The following PLEKHG1 variants were observed in gnomAD, a reference collection of about 807,000 sequenced individuals.
PLEKHG1 encodes pleckstrin homology and RhoGEF domain containing G1.
Under a neutral mutation model 100.8 loss-of-function variants are expected in PLEKHG1, and 44 were observed. The observed-to-expected ratio is 0.44, with a 90% CI of 0.34 to 0.56. PLEKHG1 has a LOEUF of 0.56. PLEKHG1 is among the 20% of genes least tolerant of loss of function. PLEKHG1 has a pLI of 0.01. For missense variants in PLEKHG1, 1,545 were observed against 1,720.9 expected (o/e 0.90, Z 1.81); for synonymous variants, 640 against 662.5 (o/e 0.97, Z 0.52).
intron 3 of PLEKHG1, among the ~76,000 whole-genome samples, chr6:150,779,343 A>AGGTT (rs1785166837): frequency 1.1e-5 from 1 of 88,562 alleles, no homozygotes; most frequent in African/African-American, 8.6e-5. Context: ...ATTGTCAAGA[A>AGGTT]GTTTTTTTTT....
At chr6:150,656,589 G>A (rs1778978901) in intron 3 of PLEKHG1, among the ~76,000 whole-genome samples, 1 of 152,136 alleles carries the variant, frequency 6.6e-6, no homozygotes, top group Admixed American at 6.5e-5. Context: ...ATTAAGCATG[G>A]AGCACCTCCT....
intron 3 of PLEKHG1, among the ~76,000 whole-genome samples, chr6:150,777,576 G>A (rs1299503595): frequency 6.6e-6 from 1 of 150,924 alleles, no homozygotes; most frequent in African/African-American, 2.4e-5. Context: ...GTGTACATGT[G>A]CGGTTGCACA....
intron 5 of PLEKHG1, among the ~76,000 whole-genome samples, 161 bp downstream of exon 6, chr6:150,796,063 C>G (rs894616802): frequency 1.3e-5 from 2 of 152,136 alleles, no homozygotes; most frequent in Non-Finnish European, 2.9e-5. Flanking sequence ...CAGGGGCACC[C>G]AGATATGGAT....
At chr6:150,840,306 A>C in exon 16 of PLEKHG1, 1 of 1,614,206 alleles carries the variant, frequency 6.2e-7, no homozygotes. Flanking sequence ...CGTCTTGATC[A>C]ACAAATCAAT....
intron 1 of PLEKHG1, among the ~76,000 whole-genome samples, chr6:150,730,443 G>T (rs1188290701): frequency 6.6e-6 from 1 of 152,154 alleles, no homozygotes. Flanking sequence ...TCCCTGGCAT[G>T]CATAGGTCAC....
At chr6:150,752,339 G>A (rs1002900974) in intron 2 of PLEKHG1, among the ~76,000 whole-genome samples, 1 of 152,028 alleles carries the variant, frequency 6.6e-6, no homozygotes, top group Admixed American at 6.6e-5. Context: ...TAATTCAGTG[G>A]CATTAAGTAT....
chr6:150,800,529 C>G (rs983677411), intron 5 of PLEKHG1, among the ~76,000 whole-genome samples, 190 bp from the exon 7 acceptor site: 1 of 152,174 alleles, frequency 6.6e-6, no homozygotes, highest in East Asian at 1.9e-4. Flanking sequence ...CCAGTGGGTC[C>G]GGTGCCTTTT....
intron 10 of PLEKHG1, among the ~76,000 whole-genome samples, chr6:150,814,768 G>A (rs1036042010): frequency 7.9e-5 from 12 of 152,152 alleles, no homozygotes; most frequent in Admixed American, 7.9e-4. Flanking sequence ...GAGTGCAGTG[G>A]TGCAATCTCC....
intron 7 of PLEKHG1, among the ~76,000 whole-genome samples, chr6:150,806,857 T>C (rs1477877674): frequency 6.9e-6 from 1 of 144,526 alleles, no homozygotes; most frequent in Non-Finnish European, 1.5e-5. Context: ...AAAAATGAAA[T>C]GAAAAATTCT....
At chr6:150,601,159 G>T (rs1327438364) in intron 1 of PLEKHG1, among the ~76,000 whole-genome samples, 1 of 152,208 alleles carries the variant, frequency 6.6e-6, no homozygotes, top group Non-Finnish European at 1.5e-5. Flanking sequence ...GGCTTGGGTA[G>T]GTCCTGTAAT....
At chr6:150,715,957 A>T (rs1413097311) in intron 3 of PLEKHG1, among the ~76,000 whole-genome samples, 2 of 148,466 alleles carry the variant, frequency 1.3e-5, no homozygotes, top group African/African-American at 4.9e-5. Context: ...AAATACAAAA[A>T]ATTAGCCGGG....
At chr6:150,636,213 C>T (rs1470111759) in intron 1 of PLEKHG1, among the ~76,000 whole-genome samples, 4 of 151,924 alleles carry the variant, frequency 2.6e-5, no homozygotes, top group African/African-American at 9.7e-5. Context: ...ATGAAAAGAC[C>T]TCTATTTTGA....
chr6:150,621,267 T>C (rs1245558846), intron 1 of PLEKHG1, among the ~76,000 whole-genome samples: 2 of 152,148 alleles, frequency 1.3e-5, no homozygotes, highest in African/African-American at 4.8e-5. Flanking sequence ...GGCTGTTGCT[T>C]TGCTAGGAGA....
intron 13 of PLEKHG1, among the ~76,000 whole-genome samples, chr6:150,823,353 A>G (rs888169068): frequency 3.3e-5 from 5 of 152,232 alleles, no homozygotes; most frequent in African/African-American, 9.6e-5. Flanking sequence ...CTTTTTCAGG[A>G]AACAACACAT....
intron 1 of PLEKHG1, among the ~76,000 whole-genome samples, chr6:150,615,190 G>A (rs1777015430): frequency 6.6e-6 from 1 of 152,132 alleles, no homozygotes; most frequent in Admixed American, 6.5e-5. Flanking sequence ...ATGCCTTTGC[G>A]ACTTCATGGT....
chr6:150,840,171 T>C (rs142195711), exon 16 of PLEKHG1: 1,150 of 1,614,192 alleles, frequency 7.1e-4, no homozygotes, highest in Non-Finnish European at 8.3e-4. Flanking sequence ...TGTGCAGAGA[T>C]GCAGCGTGGT....
rs148383973 is a variant in PLEKHG1, at chr6:150,803,662, A to G, written c.781-948A>G. Among the ~76,000 whole-genome samples, 1,275 of 152,290 alleles carry G rather than the reference A, an allele frequency of 8.4e-3. 22 individuals carry two copies. The highest frequency in any genetic ancestry group is 0.029 in the African/African-American group (1,208 of 41,544). On this transcript the variant is annotated intron_variant, in intron 6 of 15. Transcript: ENST00000358517. Reference sequence around the variant, plus strand: ...TACTGAAACCATGAGATCCTTCTCAACACTCTCAAGGATTGTCTTTAGTCA... The same window carrying G: ...TACTGAAACCATGAGATCCTTCTCAGCACTCTCAAGGATTGTCTTTAGTCA...
intron 2 of PLEKHG1, among the ~76,000 whole-genome samples, chr6:150,754,728 G>A (rs2128631189): frequency 6.6e-6 from 1 of 151,296 alleles, no homozygotes; most frequent in Non-Finnish European, 1.5e-5. Flanking sequence ...GAGGGCAATG[G>A]CACAATCTTG....
chr6:150,701,114 G>C (rs553815721), intron 3 of PLEKHG1, among the ~76,000 whole-genome samples: 2 of 152,008 alleles, frequency 1.3e-5, no homozygotes, highest in African/African-American at 4.8e-5. Context: ...GAGGTCAGGA[G>C]TTTGAGACCC....
Sources: allele counts gnomAD v4.1 joint callset (sites outside exome capture counted in the v4.1 genomes callset), GRCh38; gene constraint gnomAD v4.1.1; transcripts MANE v1.5; gene names NCBI Gene and HGNC (gene_info 2026-07-23, HGNC 2026-07-21).